The following IL17D variants were observed in gnomAD, a reference collection of about 807,000 sequenced individuals.
IL17D encodes the protein interleukin 17D, also known as interleukin-17D.
In IL17D, 10 loss-of-function variants were observed where a neutral mutation model predicts 5.7. The ratio of observed to expected loss-of-function variants is 1.75; its 90% CI spans 1.08 to 2.97. The LOEUF (loss-of-function observed/expected upper bound fraction) is 2.97, where lower values mean the gene tolerates loss of function less well. IL17D is among the 30% of genes most tolerant of loss of function. The pLI, the probability that IL17D is intolerant of heterozygous loss-of-function variation, is 0.00. For synonymous variants in IL17D, 172 were observed against 141.7 expected (o/e 1.21, Z -1.52); for missense variants, 354 against 292.7 (o/e 1.21, Z -1.53).
rs2058738312 is a variant in IL17D at position 20,721,783 on chromosome 13, C to T, written c.438C>T (p.Thr146=). 1 of 1,609,562 alleles carries T rather than the reference C, an allele frequency of 6.2e-7. No homozygotes were observed. The highest frequency in any genetic ancestry group is 1.7e-5 in the Admixed American group (1 of 59,966). Residue 146 remains threonine (T), a synonymous_variant, in exon 2 of 2, where the codon ACC becomes ACT. Coordinates refer to ENST00000682841, the MANE Select transcript of IL17D (RefSeq NM_001385224.1). ...VYMPTVVLRR[T]PACAGGRSVY... is the part of the protein sequence containing the mutation. ...TGCCCACCGTCGTCCTGCGCCGCAC[C>T]CCCGCCTGCGCCGGCGGCCGTTCCG...
chr13:20,710,343 G>T (rs2058624697), intron 1 of IL17D, among the ~76,000 whole-genome samples: 1 of 151,722 alleles, frequency 6.6e-6, no homozygotes, highest in Non-Finnish European at 1.5e-5. Context: ...GCTGGGCGCA[G>T]TGGCTCACAC....
Position 20,722,266 on chromosome 13 carries a change from A to C in IL17D, c.*312A>C. 2.8e-6 allele frequency: 1 copy of C among 353,500 alleles called. No individual in the cohort carries two copies. The highest frequency in any genetic ancestry group is 5.1e-6 in the Non-Finnish European group (1 of 197,102). The allele number at this position is 353,500 out of a possible 1,614,324, so 21.9% of individuals were successfully genotyped here. A position where few individuals can be genotyped will look rare whatever the true frequency, so the allele number is the denominator to read the frequency against. On this transcript the variant is annotated 3_prime_UTR_variant, in exon 2 of 2. Transcript: ENST00000682841. ...GGAGGCTCCCTGAGGAGCCTCTCAGATCGGCTGCTGCGGGTGCAGGGCGTG... is the reference window on the plus strand; with the variant it reads ...GGAGGCTCCCTGAGGAGCCTCTCAGCTCGGCTGCTGCGGGTGCAGGGCGTG...
rs768940080 is a variant in IL17D, at chr13:20,721,708, C to T, written c.363C>T (p.Thr121=). The T allele has an allele frequency of 9.7e-5, 156 of 1,611,180 alleles. No individual in the cohort carries two copies. The East Asian group carries it at 3.3e-3, about 34-fold the overall frequency. Reference sequence around the variant, plus strand: ...ACTGCCTGTGCCGGGGCTGCCTGACCGGGCTGTTCGGCGAGGAGGACGTGC... The same window carrying T: ...ACTGCCTGTGCCGGGGCTGCCTGACTGGGCTGTTCGGCGAGGAGGACGTGC... ...EAYCLCRGCL[T]GLFGEEDVRF... Residue 121 remains threonine, a synonymous_variant, in exon 2 of 2, where the codon ACC becomes ACT. Transcript: ENST00000682841.
At chr13:20,702,183 T>C (rs2058551541), upstream of IL17D, 1 of 152,204 alleles carries the variant, frequency 6.6e-6, no homozygotes, top group Non-Finnish European at 1.5e-5. Context: ...ATGAACAATT[T>C]ACTAGTCAGA....
intron 1 of IL17D, among the ~76,000 whole-genome samples, chr13:20,707,266 C>T (rs1429399569): frequency 6.6e-6 from 1 of 151,858 alleles, no homozygotes; most frequent in Non-Finnish European, 1.5e-5. Flanking sequence ...GAGTTTGAGA[C>T]CAGCCTGGGC....
chr13:20,709,728 T>C (rs1289055868), intron 1 of IL17D, among the ~76,000 whole-genome samples: 2 of 152,162 alleles, frequency 1.3e-5, no homozygotes, highest in African/African-American at 4.8e-5. Flanking sequence ...TGTGCACATA[T>C]TCCTTATTTC....
At chr13:20,705,214 G>C (rs2058582060) in intron 1 of IL17D, among the ~76,000 whole-genome samples, 1 of 151,660 alleles carries the variant, frequency 6.6e-6, no homozygotes. Context: ...TGATGGAGGA[G>C]AGCAAGTCGC....
At chr13:20,702,300 C>T (rs1036703025), upstream of IL17D, 2 of 152,206 alleles carry the variant, frequency 1.3e-5, no homozygotes, top group Non-Finnish European at 2.9e-5. Flanking sequence ...GATTACTAAG[C>T]TCCTTAGTTA....
chr13:20,715,995 A>C (rs978808726), intron 1 of IL17D: 1 of 538,568 alleles, frequency 1.9e-6, no homozygotes, highest in Non-Finnish European at 2.4e-6. Context: ...GAGGCCTCCC[A>C]AAGTGCTGCG....
intron 1 of IL17D, among the ~76,000 whole-genome samples, chr13:20,718,749 TGCCTGTGCTCACACACCC>T (rs2058704776): frequency 1.0e-5 from 1 of 96,468 alleles, no homozygotes; most frequent in Non-Finnish European, 2.0e-5. Context: ...CACACACACC[TGCCTGTGCTCACACACCC>T]GCCCATGCTC....
upstream of IL17D, chr13:20,703,214 C>T (rs1210727022): frequency 2.1e-6 from 2 of 936,522 alleles, no homozygotes; most frequent in Middle Eastern, 5.4e-4. Context: ...GGCTGGAAGC[C>T]CCAGTTTGCG....
chr13:20,711,574 G>A (rs899064868), intron 1 of IL17D, among the ~76,000 whole-genome samples: 3 of 152,176 alleles, frequency 2.0e-5, no homozygotes, highest in Non-Finnish European at 4.4e-5. Context: ...GGGAGAACAG[G>A]GGACAGGAGG....
intron 1 of IL17D, among the ~76,000 whole-genome samples, chr13:20,711,529 G>A (rs1479494199): frequency 6.6e-6 from 1 of 152,192 alleles, no homozygotes; most frequent in Non-Finnish European, 1.5e-5. Flanking sequence ...AGCTGTTGGA[G>A]GGACACAGAC....
chr13:20,712,320 G>A (rs1677551009), intron 1 of IL17D: 1 of 152,378 alleles, frequency 6.6e-6, no homozygotes, highest in Admixed American at 6.5e-5. Flanking sequence ...CGGGTGCAGT[G>A]GCTCATGCCT....
chr13:20,720,538 T>C (rs1175339069), intron 1 of IL17D, among the ~76,000 whole-genome samples: 1 of 152,256 alleles, frequency 6.6e-6, no homozygotes, highest in Non-Finnish European at 1.5e-5. Flanking sequence ...AACTTGTTCA[T>C]TTTGCAGGCG....
chr13:20,721,929 C>T lies in IL17D; in HGVS notation c.584C>T (p.Pro195Leu). 6.3e-7 allele frequency: 1 copy of T among 1,599,808 alleles called. No homozygotes were observed. Among genetic ancestry groups the T allele is most frequent in the Non-Finnish European group, 8.5e-7 (1 of 1,175,880 alleles). ...CAGGGCGCCAAGCTCCTGCTGGGCC[C>T]CAACGACGCGCCCGCTGGCCCCTGA... is the stretch of plus-strand genomic sequence containing the variant. ...DKQGAKLLLGPNDAPAGP is the reference protein window; with the variant it reads ...DKQGAKLLLGLNDAPAGP Residue 195 changes from proline (P) to leucine (L), a missense_variant, in exon 2 of 2, where the codon CCC (proline) becomes CTC (leucine). By Grantham distance (98) the Pro-to-Leu change is moderately conservative (BLOSUM62 -3). Transcript: ENST00000682841.
At chr13:20,704,313 GC>G in intron 1 of IL17D, 22 bp downstream of exon 1, 1 of 1,190,248 alleles carries the variant, frequency 8.4e-7, no homozygotes, top group East Asian at 3.7e-5. Context: ...GCGCGTCCTG[GC>G]GGGGCCCGGC....
chr13:20,710,416 CCAG>C (rs1413129140), intron 1 of IL17D, among the ~76,000 whole-genome samples: 1 of 143,722 alleles, frequency 7.0e-6, no homozygotes, highest in Non-Finnish European at 1.5e-5. Context: ...GAGTTCAAGA[CCAG>C]CCTGAGCAAC....
upstream of IL17D, chr13:20,702,024 G>A (rs1350429780): frequency 1.3e-5 from 2 of 152,182 alleles, no homozygotes; most frequent in Non-Finnish European, 2.9e-5. Flanking sequence ...TATAGGAATG[G>A]ATGCTGAAAT....
Sources: gnomAD v4.1 joint callset for allele counts (sites outside exome capture counted in the v4.1 genomes callset) on GRCh38, gnomAD v4.1.1 for gene constraint, MANE v1.5 for transcripts, NCBI Gene and HGNC (gene_info 2026-07-23, HGNC 2026-07-21) for gene names.